Variants in TAFA5 observed in about 807,000 individuals in gnomAD.
TAFA5 encodes TAFA chemokine like family member 5.
In TAFA5, 6 loss-of-function variants were observed where a neutral mutation model predicts 15.3. That is an observed-to-expected ratio of 0.39 (90% CI 0.21 to 0.77). The LOEUF (loss-of-function observed/expected upper bound fraction) is 0.77, where lower values mean the gene tolerates loss of function less well. TAFA5 is among the 30% of genes least tolerant of loss of function. The pLI, the probability that TAFA5 is intolerant of heterozygous loss-of-function variation, is 0.41. For synonymous variants in TAFA5, 103 were observed against 80.7 expected, an observed-to-expected ratio of 1.28 and a Z score of -1.48; for missense variants, 161 against 193.1, an observed-to-expected ratio of 0.83 and a Z score of 0.98.
intron 2 of TAFA5, among the ~76,000 whole-genome samples, chr22:48,687,623 C>A (rs1281565799): frequency 6.6e-6 from 1 of 152,092 alleles, no homozygotes; most frequent in Non-Finnish European, 1.5e-5. Flanking sequence ...AGTGCCTCCC[C>A]TTGAGGCAGT....
chr22:48,519,267 G>A (rs895046613), intron 1 of TAFA5, among the ~76,000 whole-genome samples: 2 of 152,234 alleles, frequency 1.3e-5, no homozygotes, highest in Non-Finnish European at 2.9e-5. Flanking sequence ...TTACATATTT[G>A]TAGGAGATAG....
chr22:48,664,208 G>A (rs573228243), intron 2 of TAFA5, among the ~76,000 whole-genome samples: 85 of 152,290 alleles, frequency 5.6e-4, no homozygotes, highest in African/African-American at 1.9e-3. Flanking sequence ...ACTCTCTGCC[G>A]TTCCAGTCAG....
chr22:48,744,894 A>T (rs1042766473), intron 3 of TAFA5, among the ~76,000 whole-genome samples: 3 of 151,848 alleles, frequency 2.0e-5, no homozygotes, highest in African/African-American at 7.3e-5. Flanking sequence ...CGAGTAGCTG[A>T]GATTACAGAC....
At chr22:48,678,906 G>GGCTCCCTGGCTCCCCA (rs1928067189) in intron 2 of TAFA5, among the ~76,000 whole-genome samples, 1 of 144,812 alleles carries the variant, frequency 6.9e-6, no homozygotes, top group Non-Finnish European at 1.5e-5. Flanking sequence ...TCCCTCTCCC[G>GGCTCCCTGGCTCCCCA]GCTCCCCGGC....
chr22:48,606,386 T>C (rs546857664), intron 1 of TAFA5, among the ~76,000 whole-genome samples: 3 of 152,258 alleles, frequency 2.0e-5, no homozygotes, highest in South Asian at 4.1e-4. Context: ...TTCGTGATGT[T>C]TTGAGAACTG....
intron 1 of TAFA5, among the ~76,000 whole-genome samples, chr22:48,596,578 G>A (rs1924771518): frequency 6.6e-6 from 1 of 151,960 alleles, no homozygotes; most frequent in Admixed American, 6.6e-5. Flanking sequence ...ATCCCCACAG[G>A]GTCCCGTGAT....
chr22:48,556,768 C>G (rs1923054683), intron 1 of TAFA5, among the ~76,000 whole-genome samples: 2 of 152,170 alleles, frequency 1.3e-5, no homozygotes, highest in Admixed American at 6.5e-5. Context: ...GGACACCCCC[C>G]TAGGCAGGGT....
chr22:48,727,085 C>A (rs772238049), intron 3 of TAFA5, among the ~76,000 whole-genome samples: 1 of 152,134 alleles, frequency 6.6e-6, no homozygotes, highest in Non-Finnish European at 1.5e-5. Flanking sequence ...AAAAGATGCA[C>A]TCAAGTCAAT....
At chr22:48,661,011 T>C (rs1197492995) in intron 2 of TAFA5, among the ~76,000 whole-genome samples, 1 of 152,150 alleles carries the variant, frequency 6.6e-6, no homozygotes, top group African/African-American at 2.4e-5. Context: ...TCAGAGCTCA[T>C]TCATTCCAGC....
intron 3 of TAFA5, among the ~76,000 whole-genome samples, chr22:48,729,201 A>G (rs1929789309): frequency 6.7e-6 from 1 of 150,004 alleles, no homozygotes; most frequent in Non-Finnish European, 1.5e-5. Flanking sequence ...GAAAATATGG[A>G]AAATCATCCA....
chr22:48,583,129 C>CCA (rs1466640245), intron 1 of TAFA5, among the ~76,000 whole-genome samples: 2 of 149,342 alleles, frequency 1.3e-5, no homozygotes, highest in African/African-American at 2.5e-5. Flanking sequence ...ACATCACACG[C>CCA]CACACACACA....
chr22:48,585,864 A>C (rs929492440), intron 1 of TAFA5, among the ~76,000 whole-genome samples: 29 of 151,770 alleles, frequency 1.9e-4, no homozygotes, highest in African/African-American at 7.0e-4. Flanking sequence ...CACACACACA[A>C]ACATACACCA....
At position 48,707,683 on chromosome 22, in the gene TAFA5, A is replaced by G. The variant is rs576098406; in HGVS notation, c.263-34A>G. 6.2e-6 allele frequency: 10 copies of G among 1,610,752 alleles called. No individual in the cohort carries two copies. In the Admixed American group the frequency reaches 1.3e-4, roughly 22 times the overall value. ...CAACACCCTCACGATCCATGAGAGT[A>G]GCACGCTGATTGCCTCTCTCTTTTC... On this transcript the variant is annotated intron_variant, in intron 2 of 3. Transcript: ENST00000402357.
rs896051401 is a variant in TAFA5, at chr22:48,598,189, T to A, written c.113-48408T>A. On this transcript the variant is annotated intron_variant, in intron 1 of 3. Coordinates refer to ENST00000402357, the MANE Select transcript of TAFA5 (RefSeq NM_001082967.3). This position sits in a 1 kb window ranked among gnomAD's most constrained non-coding sequence, Gnocchi z 4.0. ...TTTCTTGCTTGAGGAAGGTCCATCT[T>A]TGTCCATTGAGGCCTTCACCTGCTT... Among the ~76,000 whole-genome samples the A allele has an allele frequency of 6.6e-6, 1 of 152,132 alleles. No homozygotes were observed. The highest frequency in any genetic ancestry group is 2.4e-5 in the African/African-American group (1 of 41,442).
At chr22:48,601,048 G>T (rs1309037541) in intron 1 of TAFA5, among the ~76,000 whole-genome samples, 1 of 152,236 alleles carries the variant, frequency 6.6e-6, no homozygotes, top group Non-Finnish European at 1.5e-5. Context: ...AGGACGTACA[G>T]TCAGATATTT....
chr22:48,696,703 G>A (rs62225006), intron 2 of TAFA5, among the ~76,000 whole-genome samples: 33,280 of 152,218 alleles, frequency 0.22, 4,075 homozygotes, highest in South Asian at 0.38. Context: ...CACTGTTGCT[G>A]TCCTTGCTGC....
chr22:48,745,436 C>T (rs1251504808), intron 3 of TAFA5, among the ~76,000 whole-genome samples: 4 of 145,450 alleles, frequency 2.8e-5, no homozygotes, highest in South Asian at 2.2e-4. Flanking sequence ...CTGGCCTGCC[C>T]GGGGTTCACC....
chr22:48,679,838 A>C (rs1416512087), intron 2 of TAFA5, among the ~76,000 whole-genome samples: 1 of 151,934 alleles, frequency 6.6e-6, no homozygotes, highest in African/African-American at 2.4e-5. Context: ...CGCCGCCCTC[A>C]CCGTGTGGAC....
intron 1 of TAFA5, among the ~76,000 whole-genome samples, chr22:48,614,686 G>A (rs541894048): frequency 4.0e-4 from 61 of 152,340 alleles, no homozygotes; most frequent in African/African-American, 5.8e-4. Flanking sequence ...GATTCCATGC[G>A]TCCTGGGGCA....
Sources: allele counts gnomAD v4.1 joint callset (sites outside exome capture counted in the v4.1 genomes callset), GRCh38; gene constraint gnomAD v4.1.1; non-coding constraint Gnocchi (gnomAD v3.1); transcripts MANE v1.5; gene names NCBI Gene and HGNC (gene_info 2026-07-23, HGNC 2026-07-21).